Variants in TMPRSS11F observed in about 807,000 individuals in gnomAD.
TMPRSS11F encodes the protein transmembrane serine protease 11F, also known as transmembrane protease serine 11F.
A neutral mutation model predicts 60.2 loss-of-function variants in TMPRSS11F; 47 were observed. The ratio of observed to expected loss-of-function variants is 0.78; its 90% CI spans 0.62 to 1.00. The LOEUF is 1.00. TMPRSS11F is among the 50% of genes least tolerant of loss of function. TMPRSS11F has a pLI of 0.00. For missense variants in TMPRSS11F, 519 were observed against 522.9 expected (o/e 0.99, Z 0.07); for synonymous variants, 166 against 167.3 (o/e 0.99, Z 0.06).
At chr4:68,054,855 A>T (rs961434838) in intron 9 of TMPRSS11F, among the ~76,000 whole-genome samples, 2 of 152,058 alleles carry the variant, frequency 1.3e-5, no homozygotes, top group South Asian at 2.1e-4. Flanking sequence ...GTTTAGGTTA[A>T]AAACAACAAC....
At chr4:68,060,588 A>G (rs1359000062) in intron 8 of TMPRSS11F, among the ~76,000 whole-genome samples, 2 of 149,500 alleles carry the variant, frequency 1.3e-5, no homozygotes, top group East Asian at 2.0e-4. Context: ...TGACAGAAAC[A>G]TAAGTATCTC....
chr4:68,077,307 G>T (rs543467464), intron 3 of TMPRSS11F: 9 of 152,328 alleles, frequency 5.9e-5, no homozygotes, highest in Non-Finnish European at 1.2e-4. Context: ...AGGAAGAACT[G>T]GGAAGTGATG....
chr4:68,060,729 T>C (rs1282690460), intron 8 of TMPRSS11F, among the ~76,000 whole-genome samples: 1 of 151,614 alleles, frequency 6.6e-6, no homozygotes, highest in Non-Finnish European at 1.5e-5. Flanking sequence ...TCAAACCTCA[T>C]GTCATCCAAT....
intron 3 of TMPRSS11F, among the ~76,000 whole-genome samples, chr4:68,078,022 C>T (rs1246006074): frequency 6.6e-6 from 1 of 152,096 alleles, no homozygotes; most frequent in Non-Finnish European, 1.5e-5. Flanking sequence ...CTGGGCTGAC[C>T]TGCCCTGCCC....
At chr4:68,105,226 G>A (rs891871461) in intron 1 of TMPRSS11F, among the ~76,000 whole-genome samples, 1 of 151,340 alleles carries the variant, frequency 6.6e-6, no homozygotes, top group Admixed American at 6.6e-5. Context: ...ATAAAATTGT[G>A]TTTGTTATTT....
chr4:68,088,539 G>T, intron 3 of TMPRSS11F, among the ~76,000 whole-genome samples: 1 of 151,760 alleles, frequency 6.6e-6, no homozygotes, highest in Non-Finnish European at 1.5e-5. Flanking sequence ...TGCACCAAGC[G>T]GACCTAACAG....
At chr4:68,095,950 G>C (rs958304839) in intron 2 of TMPRSS11F, among the ~76,000 whole-genome samples, 1 of 148,876 alleles carries the variant, frequency 6.7e-6, no homozygotes, top group Non-Finnish European at 1.5e-5. Flanking sequence ...TTCTGCATCT[G>C]CATAGTTCCT....
chr4:68,084,229 A>T (rs1302946211), intron 3 of TMPRSS11F, among the ~76,000 whole-genome samples: 1 of 152,192 alleles, frequency 6.6e-6, no homozygotes, highest in Non-Finnish European at 1.5e-5. Flanking sequence ...GAGAGGAACA[A>T]CTTGCAAAAC....
chr4:68,075,732 C>T (rs1723569144), intron 3 of TMPRSS11F, among the ~76,000 whole-genome samples: 1 of 152,160 alleles, frequency 6.6e-6, no homozygotes, highest in African/African-American at 2.4e-5. Flanking sequence ...CGGTGGCTCA[C>T]ACCTGTAATC....
Position 68,059,485 on chromosome 4 carries a change from TAAA to T in TMPRSS11F, c.1016-20_1016-18del, listed in dbSNP as rs557505279. 4.4e-6 allele frequency: 7 copies of T among 1,604,944 alleles called. No individual in the cohort carries two copies. In the South Asian group the frequency reaches 6.7e-5, roughly 15 times the overall value. ...GTATAGGTCCTATTGCACAAATGGA[TAAA>T]AAAACAAATAAACAGTATTCCTCAA... On this transcript the variant is annotated intron_variant, in intron 8 of 9. Transcript: ENST00000356291.
intron 1 of TMPRSS11F, among the ~76,000 whole-genome samples, chr4:68,100,020 T>C (rs1724157057): frequency 6.7e-6 from 1 of 148,188 alleles, no homozygotes; most frequent in African/African-American, 2.5e-5. Context: ...ATTACAACTT[T>C]GAGGAATAAA....
intron 5 of TMPRSS11F, 46 bp from the exon 6 acceptor site, chr4:68,070,053 C>G: frequency 6.5e-7 from 1 of 1,534,270 alleles, no homozygotes. Context: ...AATATATTCC[C>G]ATTTTCATGT....
intron 3 of TMPRSS11F, among the ~76,000 whole-genome samples, chr4:68,086,967 T>C (rs1723827990): frequency 6.6e-6 from 1 of 152,124 alleles, no homozygotes; most frequent in Non-Finnish European, 1.5e-5. Flanking sequence ...GTACCAATCC[T>C]ACTGAAATTA....
At chr4:68,113,799 G>C (rs1193514999) in intron 1 of TMPRSS11F, among the ~76,000 whole-genome samples, 3 of 152,002 alleles carry the variant, frequency 2.0e-5, no homozygotes, top group Non-Finnish European at 4.4e-5. Flanking sequence ...GACATTTATA[G>C]AACACTCCAC....
intron 9 of TMPRSS11F, among the ~76,000 whole-genome samples, chr4:68,057,344 A>C (rs1469514288): frequency 6.6e-6 from 1 of 151,714 alleles, no homozygotes; most frequent in Non-Finnish European, 1.5e-5. Context: ...TACACCATGC[A>C]CAAAAAGAAA....
intron 8 of TMPRSS11F, 104 bp downstream of exon 8, chr4:68,064,581 G>A: frequency 2.3e-6 from 3 of 1,327,042 alleles, no homozygotes; most frequent in Non-Finnish European, 3.1e-6. Flanking sequence ...ATACTGGAAA[G>A]ACCATTACTT....
intron 8 of TMPRSS11F, among the ~76,000 whole-genome samples, chr4:68,063,814 T>C (rs1425487834): frequency 6.6e-6 from 1 of 152,174 alleles, no homozygotes; most frequent in Non-Finnish European, 1.5e-5. Context: ...ACAGATTTTA[T>C]TGACTAACCA....
chr4:68,093,831 AATCAAAACCAAAATGAGATACC>A (rs1216393134), intron 2 of TMPRSS11F, among the ~76,000 whole-genome samples: 1 of 149,704 alleles, frequency 6.7e-6, no homozygotes, highest in Admixed American at 6.7e-5. Flanking sequence ...GAGAACTGCA[AATCAAAACCAAAATGAGATACC>A]ATCTCACACC....
At chr4:68,088,523 C>G (rs1723861411) in intron 3 of TMPRSS11F, among the ~76,000 whole-genome samples, 1 of 151,936 alleles carries the variant, frequency 6.6e-6, no homozygotes, top group Non-Finnish European at 1.5e-5. Flanking sequence ...GAATTGAACT[C>G]AGCTCTGCAC....
Sources: allele counts gnomAD v4.1 joint callset (sites outside exome capture counted in the v4.1 genomes callset), GRCh38; gene constraint gnomAD v4.1.1; transcripts MANE v1.5; gene names NCBI Gene and HGNC (gene_info 2026-07-23, HGNC 2026-07-21).